Variants in STK33 observed in about 807,000 individuals in gnomAD.
The protein encoded by STK33 is serine/threonine-protein kinase 33.
Under a neutral mutation model 58.0 loss-of-function variants are expected in STK33, and 52 were observed. The ratio of observed to expected loss-of-function variants is 0.90; its 90% CI spans 0.72 to 1.13. The LOEUF (loss-of-function observed/expected upper bound fraction) is 1.13, where lower values mean the gene tolerates loss of function less well. Ranked by LOEUF, STK33 falls within the 50% of genes most tolerant of loss-of-function variation. The pLI, the probability that STK33 is intolerant of heterozygous loss-of-function variation, is 0.00. For missense variants in STK33, 630 were observed against 604.2 expected, an observed-to-expected ratio of 1.04 and a Z score of -0.45; for synonymous variants, 215 against 200.1, an observed-to-expected ratio of 1.07 and a Z score of -0.63.
chr11:8,415,054 C>T (rs1940918148), intron 14 of STK33, among the ~76,000 whole-genome samples: 1 of 152,004 alleles, frequency 6.6e-6, no homozygotes, highest in African/African-American at 2.4e-5. Flanking sequence ...CTCCAGGGCT[C>T]TGCTTGGTCC....
chr11:8,362,584 A>C, the STK33 span, among the ~76,000 whole-genome samples: 1 of 152,186 alleles, frequency 6.6e-6, no homozygotes, highest in Non-Finnish European at 1.5e-5. Context: ...TTCACCCAAC[A>C]AAAAAACCAT....
intron 1 of STK33, among the ~76,000 whole-genome samples, chr11:8,509,740 A>G (rs921254019): frequency 9.2e-5 from 14 of 152,138 alleles, no homozygotes; most frequent in African/African-American, 3.4e-4. Flanking sequence ...GCTCCCACTT[A>G]TAAGTGAGAA....
intron 8 of STK33, among the ~76,000 whole-genome samples, chr11:8,458,544 T>C (rs1032937637): frequency 6.6e-6 from 1 of 151,828 alleles, no homozygotes; most frequent in Non-Finnish European, 1.5e-5. Context: ...AATGAAAAGA[T>C]TTAAAAATAC....
intron 12 of STK33, 116 bp downstream of exon 12, chr11:8,440,562 A>G (rs560232073): frequency 2.4e-6 from 2 of 827,792 alleles, no homozygotes; most frequent in South Asian, 6.4e-5. Flanking sequence ...TGATCTCCCA[A>G]TTGGTTTTTA....
chr11:8,340,945 G>A, the STK33 span, among the ~76,000 whole-genome samples: 1 of 152,170 alleles, frequency 6.6e-6, no homozygotes. Context: ...TGCAACCTCC[G>A]CCTCCTGGGT....
At chr11:8,476,954 T>C (rs1395439685) in intron 3 of STK33, among the ~76,000 whole-genome samples, 1 of 152,184 alleles carries the variant, frequency 6.6e-6, no homozygotes, top group Non-Finnish European at 1.5e-5. Flanking sequence ...ATGTATATAG[T>C]ATATTATAAG....
the STK33 span, among the ~76,000 whole-genome samples, chr11:8,360,655 T>A: frequency 6.6e-6 from 1 of 152,224 alleles, no homozygotes; most frequent in Non-Finnish European, 1.5e-5. Context: ...ATTCCTGCTA[T>A]TGCGGCTGCA....
chr11:8,451,609 A>G (rs1467231197), intron 11 of STK33, among the ~76,000 whole-genome samples: 2 of 152,238 alleles, frequency 1.3e-5, no homozygotes, highest in Non-Finnish European at 2.9e-5. Flanking sequence ...TGGGATAGGA[A>G]TAAGATTGAG....
chr11:8,404,736 G>A (rs915180028), intron 15 of STK33, among the ~76,000 whole-genome samples: 10 of 152,140 alleles, frequency 6.6e-5, no homozygotes, highest in African/African-American at 2.4e-4. Context: ...GAATATTTGG[G>A]ATGTTTCCAG....
intron 1 of STK33, among the ~76,000 whole-genome samples, chr11:8,553,979 A>C (rs1956550764): frequency 1.3e-5 from 2 of 152,218 alleles, no homozygotes; most frequent in South Asian, 4.1e-4. Flanking sequence ...TCTGCAGAGC[A>C]AAGGAAACAG....
At chr11:8,573,965 T>C (rs2141195783) in intron 1 of STK33, among the ~76,000 whole-genome samples, 1 of 152,326 alleles carries the variant, frequency 6.6e-6, no homozygotes, top group Middle Eastern at 3.4e-3. Context: ...CTCAGGGTGA[T>C]GATGCAGTTC....
chr11:8,583,001 A>G (rs1172420582), intron 1 of STK33, among the ~76,000 whole-genome samples: 3 of 152,206 alleles, frequency 2.0e-5, no homozygotes, highest in Admixed American at 1.3e-4. Context: ...AAGTTTTCCA[A>G]TGACTGGGAA....
At chr11:8,444,301 A>C (rs990502960) in intron 11 of STK33, among the ~76,000 whole-genome samples, 1 of 152,024 alleles carries the variant, frequency 6.6e-6, no homozygotes, top group African/African-American at 2.4e-5. Context: ...CAACCTGATA[A>C]AAAAAAACTA....
At chr11:8,530,203 G>A (rs1954414295) in intron 1 of STK33, among the ~76,000 whole-genome samples, 1 of 151,894 alleles carries the variant, frequency 6.6e-6, no homozygotes, top group African/African-American at 2.4e-5. Context: ...AATAGTCTGA[G>A]GCAAAAATTA....
chr11:8,526,786 T>C (rs1954064892), intron 1 of STK33, among the ~76,000 whole-genome samples: 1 of 150,048 alleles, frequency 6.7e-6, no homozygotes, highest in Non-Finnish European at 1.5e-5. Flanking sequence ...AAATAACTAG[T>C]TATATGTGAC....
At chr11:8,404,655 T>C (rs1938752728) in intron 15 of STK33, among the ~76,000 whole-genome samples, 1 of 152,270 alleles carries the variant, frequency 6.6e-6, no homozygotes, top group South Asian at 2.1e-4. Context: ...GTAACTCATT[T>C]CTTTTTTCTT....
the STK33 span, among the ~76,000 whole-genome samples, chr11:8,350,251 C>A: frequency 6.6e-6 from 1 of 152,198 alleles, no homozygotes; most frequent in Non-Finnish European, 1.5e-5. Context: ...GATGCAGGGG[C>A]AGGAGCAGGG....
chr11:8,396,132 T>C (rs556582490), intron 15 of STK33, among the ~76,000 whole-genome samples: 2 of 152,158 alleles, frequency 1.3e-5, no homozygotes, highest in Non-Finnish European at 1.5e-5. Context: ...AGGTGGAGTT[T>C]TGCTCTTATC....
chr11:8,439,800 T>C (rs1164843307), intron 12 of STK33, among the ~76,000 whole-genome samples: 1 of 149,422 alleles, frequency 6.7e-6, no homozygotes, highest in East Asian at 2.0e-4. Context: ...CATGCCAAGA[T>C]GCTCTGACAC....
Sources: allele counts gnomAD v4.1 joint callset (sites outside exome capture counted in the v4.1 genomes callset), GRCh38; gene constraint gnomAD v4.1.1; transcripts MANE v1.5; gene names NCBI Gene and HGNC (gene_info 2026-07-23, HGNC 2026-07-21).